The following GSTA2 variants were observed in gnomAD, a reference collection of about 807,000 sequenced individuals.
The protein encoded by GSTA2 is glutathione S-transferase alpha 2.
A neutral mutation model predicts 22.4 loss-of-function variants in GSTA2; 27 were observed. The ratio of observed to expected loss-of-function variants is 1.21; its 90% CI spans 0.89 to 1.67. The LOEUF (loss-of-function observed/expected upper bound fraction) is 1.67. Ranked by LOEUF, GSTA2 falls within the 40% of genes most tolerant of loss-of-function variation. The probability of loss-of-function intolerance (pLI) is 0.00; values close to 1 mark genes in which losing one functional copy is unlikely to be tolerated. For synonymous variants in GSTA2, 121 were observed against 86.8 expected (o/e 1.39, Z -2.19); for missense variants, 302 against 260.2 (o/e 1.16, Z -1.11).
intron 6 of GSTA2, 31 bp downstream of exon 6, chr6:52,751,546 C>G (rs754578198): frequency 6.2e-7 from 1 of 1,613,630 alleles, no homozygotes; most frequent in South Asian, 1.1e-5. Context: ...AGATGTGGGT[C>G]TGCCTCTCTG....
At chr6:52,762,594 T>C (rs1345236692) in intron 1 of GSTA2, among the ~76,000 whole-genome samples, 1 of 152,176 alleles carries the variant, frequency 6.6e-6, no homozygotes, top group Non-Finnish European at 1.5e-5. Flanking sequence ...CATCCCCCTC[T>C]CTGAGATGGT....
intron 2 of GSTA2, among the ~76,000 whole-genome samples, chr6:52,757,381 C>T (rs1266304944): frequency 7.2e-6 from 1 of 138,124 alleles, no homozygotes; most frequent in Non-Finnish European, 1.5e-5. Flanking sequence ...ATCTATATGC[C>T]CACCTACTTC....
At chr6:52,755,199 A>T in intron 3 of GSTA2, 124 bp from the exon 4 acceptor site, 3 of 1,192,308 alleles carry the variant, frequency 2.5e-6, no homozygotes, top group East Asian at 2.5e-5. Context: ...GCCTGGTAAG[A>T]GTTCACTTGA....
chr6:52,760,833 T>C (rs1043472246), intron 1 of GSTA2, among the ~76,000 whole-genome samples: 9 of 152,232 alleles, frequency 5.9e-5, no homozygotes, highest in African/African-American at 2.2e-4. Flanking sequence ...TGCCTTTCTC[T>C]ACTTTGACAA....
In GSTA2 at chr6:52,756,239, A is replaced by T. The variant is rs1316504911; in HGVS notation, c.139+19T>A. The T allele has an allele frequency of 7.6e-6, 12 of 1,583,668 alleles. No homozygotes were observed. The highest frequency in any genetic ancestry group is 1.0e-5 in the Non-Finnish European group (12 of 1,153,024). On this transcript the variant is annotated intron_variant, in intron 3 of 6. Transcript: ENST00000493422. ...TCTACTAGATACCCTCATTAGAGAA[A>T]CTTAGAGGTTGATCTTACCATTTCT...
Position 52,759,912 on chromosome 6 carries a change from C to T in GSTA2, c.-30-1935G>A, listed in dbSNP as rs147643535. ...ACTAATGTATTTCTAAAAAAGTATGCATGATTAAAATTAGGCATCAAAATC... is the reference window on the plus strand; with the variant it reads ...ACTAATGTATTTCTAAAAAAGTATGTATGATTAAAATTAGGCATCAAAATC... On this transcript the variant is annotated intron_variant, in intron 1 of 6. Coordinates refer to ENST00000493422, the MANE Select transcript of GSTA2 (RefSeq NM_000846.5). Among the ~76,000 whole-genome samples the T allele has an allele frequency of 3.1e-3, 466 of 152,216 alleles. 5 individuals carry two copies. Among genetic ancestry groups the T allele is most frequent in the African/African-American group, 0.011 (455 of 41,556 alleles).
At chr6:52,762,124 G>A (rs1008039121) in intron 1 of GSTA2, among the ~76,000 whole-genome samples, 28 of 148,648 alleles carry the variant, frequency 1.9e-4, no homozygotes, top group Middle Eastern at 3.5e-3. Context: ...AAAACACTGC[G>A]GAAGGCCGCA....
intron 1 of GSTA2, among the ~76,000 whole-genome samples, chr6:52,759,633 G>C (rs997599140): frequency 3.3e-5 from 4 of 120,540 alleles, no homozygotes; most frequent in African/African-American, 1.3e-4. Flanking sequence ...TGCCCAGGCT[G>C]CAGTGCAATG....
intron 4 of GSTA2, among the ~76,000 whole-genome samples, chr6:52,754,428 T>A (rs73740522): frequency 1.3e-5 from 2 of 152,180 alleles, no homozygotes; most frequent in African/African-American, 4.8e-5. Flanking sequence ...GTAACTCCAG[T>A]ATCCTTGGTG....
At position 52,750,133 on chromosome 6, in the gene GSTA2, T is replaced by C. The variant is rs1762710205; in HGVS notation, c.*444A>G. 6.4e-6 allele frequency: 1 copy of C among 155,330 alleles called. No individual in the cohort carries two copies. The highest frequency in any genetic ancestry group is 1.4e-5 in the Non-Finnish European group (1 of 70,108). The allele number at this position is 155,330 out of a possible 1,614,324, so 9.6% of individuals were successfully genotyped here. On this transcript the variant is annotated 3_prime_UTR_variant, in exon 7 of 7. Coordinates refer to ENST00000493422, the MANE Select transcript of GSTA2 (RefSeq NM_000846.5). ...AAGAATGCTTTTATCAGAAATAAAA[T>C]GACTGTTCAGGAAAAGAAGAAAATG...
At chr6:52,762,252 C>T (rs2749012) in intron 1 of GSTA2, among the ~76,000 whole-genome samples, 3 of 151,476 alleles carry the variant, frequency 2.0e-5, no homozygotes, top group Admixed American at 6.6e-5. Flanking sequence ...CACCCATAAA[C>T]GGTCTGTGCT....
At position 52,760,745 on chromosome 6, in the gene GSTA2, G is replaced by A. The variant is rs1762938344; in HGVS notation, c.-31+2699C>T. ...TAAATGTTGGAAGGAGAGGGCGAGA[G>A]GGGAACATCTAATTCCTGAGTTCCT... On this transcript the variant is annotated intron_variant, in intron 1 of 6. Transcript: ENST00000493422. Among the ~76,000 whole-genome samples, 3 of 152,124 alleles carry A rather than the reference G, an allele frequency of 2.0e-5. No individual in the cohort carries two copies. The South Asian group carries it at 6.2e-4, about 32-fold the overall frequency.
intron 4 of GSTA2, among the ~76,000 whole-genome samples, chr6:52,754,397 G>T (rs116655776): frequency 3.3e-4 from 50 of 152,186 alleles, no homozygotes; most frequent in African/African-American, 1.1e-3. Flanking sequence ...GGCTGTTTCG[G>T]CCTTCTATCC....
chr6:52,755,316 G>C (rs1472600633), intron 3 of GSTA2, among the ~76,000 whole-genome samples: 1 of 150,348 alleles, frequency 6.7e-6, no homozygotes, highest in Non-Finnish European at 1.5e-5. Flanking sequence ...CCAGGTTCAA[G>C]CGATTCTACT....
intron 2 of GSTA2, among the ~76,000 whole-genome samples, chr6:52,757,602 A>G (rs958202344): frequency 1.3e-5 from 2 of 152,308 alleles, no homozygotes. Context: ...ATTATTTTTT[A>G]CAGTTTGTTT....
At chr6:52,756,809 G>C (rs892501811) in intron 2 of GSTA2, among the ~76,000 whole-genome samples, 27 of 152,256 alleles carry the variant, frequency 1.8e-4, no homozygotes, top group African/African-American at 5.8e-4. Flanking sequence ...GGTCGCCACT[G>C]TTGCACAGCT....
At chr6:52,760,015 T>A (rs1762927362) in intron 1 of GSTA2, among the ~76,000 whole-genome samples, 1 of 152,236 alleles carries the variant, frequency 6.6e-6, no homozygotes, top group African/African-American at 2.4e-5. Context: ...GAAATCATAC[T>A]GAATCAACTC....
Position 52,755,048 on chromosome 6 carries a change from G to T in GSTA2, c.167C>A (p.Pro56Gln). 1.9e-6 allele frequency: 3 copies of T among 1,613,926 alleles called. No homozygotes were observed. The highest frequency in any genetic ancestry group is 2.5e-6 in the Non-Finnish European group (3 of 1,180,000). The part of the protein sequence containing the change: ...NDGYLMFQQV[P>Q]MVEIDGMKLV... ...CTTCATCCCATCAATCTCAACCATT[G>T]GCACTTGCTGGAACATCAAATATCC... The change falls in exon 4 of 7, where the codon CCA becomes CAA. Residue 56 changes from proline to glutamine, a missense_variant. By Grantham distance (76) the Pro-to-Gln change is moderately conservative (BLOSUM62 -1). Coordinates refer to ENST00000493422, the MANE Select transcript of GSTA2 (RefSeq NM_000846.5).
At position 52,751,773 on chromosome 6, in the gene GSTA2, C is replaced by T. The variant is rs1160330452; in HGVS notation, c.415-65G>A. Reference sequence around the variant, plus strand: ...CCCAGGCTGGGACCCCTGCTTCTTTCAGAGCCTCTCCACCCTGACTTTCCC... The same window carrying T: ...CCCAGGCTGGGACCCCTGCTTCTTTTAGAGCCTCTCCACCCTGACTTTCCC... On this transcript the variant is annotated intron_variant, in intron 5 of 6. Transcript: ENST00000493422. 5 of 1,611,650 alleles carry T rather than the reference C, an allele frequency of 3.1e-6. No homozygotes were observed. In the African/African-American group the frequency reaches 6.7e-5, roughly 22 times the overall value.
Sources: gnomAD v4.1 joint callset for allele counts (sites outside exome capture counted in the v4.1 genomes callset) on GRCh38, gnomAD v4.1.1 for gene constraint, MANE v1.5 for transcripts, NCBI Gene and HGNC (gene_info 2026-07-23, HGNC 2026-07-21) for gene names.